PUS10: variants seen among roughly 807,000 people sequenced by gnomAD.
PUS10 encodes the protein tRNA pseudouridine synthase Pus10.
A neutral mutation model predicts 75.0 loss-of-function variants in PUS10; 59 were observed. The observed-to-expected ratio is 0.79, with a 90% CI of 0.64 to 0.98. The LOEUF (loss-of-function observed/expected upper bound fraction) is 0.98, where lower values mean the gene tolerates loss of function less well. Ranked by LOEUF, PUS10 falls within the 50% of genes least tolerant of loss-of-function variation. PUS10 has a pLI of 0.00. For synonymous variants in PUS10, 219 were observed against 211.6 expected (o/e 1.03, Z -0.30); for missense variants, 650 against 614.4 (o/e 1.06, Z -0.61).
At chr2:60,942,930 C>G (rs148039647) in intron 17 of PUS10, among the ~76,000 whole-genome samples, 40 of 150,830 alleles carry the variant, frequency 2.7e-4, no homozygotes, top group African/African-American at 9.5e-4. Flanking sequence ...ACTCAGGAAG[C>G]TGAGGCAGGA....
At chr2:60,954,739 T>C (rs1415000452) in intron 12 of PUS10, among the ~76,000 whole-genome samples, 3 of 152,180 alleles carry the variant, frequency 2.0e-5, no homozygotes, top group African/African-American at 7.2e-5. Context: ...AATCAAACTT[T>C]TGGAAAAAAA....
At chr2:61,010,922 C>G (rs1334191784) in intron 2 of PUS10, 17 of 1,543,156 alleles carry the variant, frequency 1.1e-5, no homozygotes, top group Non-Finnish European at 1.5e-5. Flanking sequence ...ATGTACTTAC[C>G]TAATCAGTTA....
chr2:60,947,604 C>T (rs528725768), intron 16 of PUS10, among the ~76,000 whole-genome samples: 4 of 152,032 alleles, frequency 2.6e-5, no homozygotes, highest in South Asian at 2.1e-4. Flanking sequence ...CCGAGGTGGG[C>T]GGATCACGAG....
At chr2:60,973,217 G>T (rs1320315190) in intron 4 of PUS10, among the ~76,000 whole-genome samples, 2 of 152,264 alleles carry the variant, frequency 1.3e-5, no homozygotes, top group Non-Finnish European at 1.5e-5. Flanking sequence ...GGCCAGCCCT[G>T]AAAGTGTCGG....
At chr2:61,008,674 T>A in intron 3 of PUS10, 87 bp downstream of exon 3, 2 of 1,140,178 alleles carry the variant, frequency 1.8e-6, no homozygotes, top group Non-Finnish European at 2.4e-6. Flanking sequence ...TGTCTTGTCT[T>A]GAAAAAAGGA....
At chr2:61,013,156 G>C (rs1353927989) in intron 1 of PUS10, among the ~76,000 whole-genome samples, 2 of 151,776 alleles carry the variant, frequency 1.3e-5, no homozygotes, top group Non-Finnish European at 2.9e-5. Flanking sequence ...AGAAGACCGA[G>C]GTGGGAGGAT....
At chr2:60,958,430 A>C (rs1675813986) in intron 11 of PUS10, among the ~76,000 whole-genome samples, 1 of 152,124 alleles carries the variant, frequency 6.6e-6, no homozygotes, top group African/African-American at 2.4e-5. Context: ...AACAAATTAT[A>C]AGAGGGATGT....
intron 3 of PUS10, among the ~76,000 whole-genome samples, chr2:61,007,802 T>C (rs1573518047): frequency 6.8e-6 from 1 of 146,472 alleles, no homozygotes; most frequent in African/African-American, 2.5e-5. Flanking sequence ...AAAAAAGAAT[T>C]TGGCCGGGCA....
At chr2:60,977,138 G>A (rs1354221059) in intron 4 of PUS10, among the ~76,000 whole-genome samples, 2 of 152,112 alleles carry the variant, frequency 1.3e-5, no homozygotes, top group Non-Finnish European at 2.9e-5. Flanking sequence ...GAAGGTCTAT[G>A]CCCGGGAATG....
At chr2:60,970,802 G>A (rs1395313776) in intron 5 of PUS10, among the ~76,000 whole-genome samples, 1 of 152,142 alleles carries the variant, frequency 6.6e-6, no homozygotes, top group East Asian at 1.9e-4. Context: ...TTACCTATGT[G>A]TAAACTCACT....
intron 15 of PUS10, among the ~76,000 whole-genome samples, chr2:60,951,018 G>GTGA (rs1430565064): frequency 1.1e-4 from 17 of 152,214 alleles, no homozygotes; most frequent in Non-Finnish European, 2.9e-5. Flanking sequence ...GGGGAATAAA[G>GTGA]TGATGTCTTA....
At chr2:60,947,828 CAAAAAAAA>C (rs890632119) in intron 16 of PUS10, among the ~76,000 whole-genome samples, 1 of 46,058 alleles carries the variant, frequency 2.2e-5, no homozygotes, top group Non-Finnish European at 4.6e-5. Context: ...GACTCTGCCT[CAAAAAAAA>C]AAAAAAAAAA....
chr2:60,974,472 G>C (rs988444396), intron 4 of PUS10, among the ~76,000 whole-genome samples: 5 of 151,992 alleles, frequency 3.3e-5, no homozygotes, highest in African/African-American at 1.2e-4. Context: ...CAAATGGTGG[G>C]GCTAAAAGAG....
chr2:60,991,800 C>T (rs888585288), intron 4 of PUS10, among the ~76,000 whole-genome samples: 4 of 152,114 alleles, frequency 2.6e-5, no homozygotes, highest in African/African-American at 7.2e-5. Flanking sequence ...AATGTACTAG[C>T]GATCTTAGCC....
chr2:60,980,286 A>G (rs558335149), intron 4 of PUS10, among the ~76,000 whole-genome samples: 2 of 152,266 alleles, frequency 1.3e-5, no homozygotes, highest in South Asian at 2.1e-4. Context: ...AGAAGTGCAA[A>G]TGTACTCCCT....
At chr2:61,005,431 G>A (rs538016083) in intron 4 of PUS10, among the ~76,000 whole-genome samples, 1 of 152,310 alleles carries the variant, frequency 6.6e-6, no homozygotes, top group African/African-American at 2.4e-5. Flanking sequence ...GGCTCTGAGG[G>A]TTAGGGAAAT....
chr2:61,005,815 T>C (rs1432846334), intron 4 of PUS10, among the ~76,000 whole-genome samples: 1 of 152,238 alleles, frequency 6.6e-6, no homozygotes, highest in East Asian at 1.9e-4. Flanking sequence ...CTTCAGCTTA[T>C]TTGGAGCTAA....
intron 11 of PUS10, among the ~76,000 whole-genome samples, chr2:60,957,405 G>A (rs888052771): frequency 2.6e-5 from 4 of 152,236 alleles, no homozygotes; most frequent in African/African-American, 4.8e-5. Flanking sequence ...GGTGGAGCTG[G>A]CTAGTGGGGG....
intron 4 of PUS10, among the ~76,000 whole-genome samples, chr2:60,982,177 A>G (rs1175636099): frequency 6.6e-6 from 1 of 152,096 alleles, no homozygotes; most frequent in Non-Finnish European, 1.5e-5. Flanking sequence ...TGACTCCAGC[A>G]GGAACTCCGT....
Sources: gnomAD v4.1 joint callset for allele counts (sites outside exome capture counted in the v4.1 genomes callset) on GRCh38, gnomAD v4.1.1 for gene constraint, MANE v1.5 for transcripts, NCBI Gene and HGNC (gene_info 2026-07-23, HGNC 2026-07-21) for gene names.